RALYL: variants seen among roughly 807,000 people sequenced by gnomAD.
The protein encoded by RALYL is RNA-binding Raly-like protein.
A neutral mutation model predicts 35.1 loss-of-function variants in RALYL; 29 were observed. The observed-to-expected ratio is 0.83, with a 90% CI of 0.61 to 1.13. RALYL has a LOEUF of 1.13. Among genes scored for constraint, RALYL ranks in the 50% most tolerant of loss-of-function variants. RALYL has a pLI of 0.00. For missense variants in RALYL, 359 were observed against 360.4 expected, an observed-to-expected ratio of 1.00 and a Z score of 0.03; for synonymous variants, 120 against 127.6, an observed-to-expected ratio of 0.94 and a Z score of 0.40.
rs184434548 is a variant in RALYL at position 84,283,920 on chromosome 8, A to G, written c.-24+99496A>G. Among the ~76,000 whole-genome samples, 254 of 152,262 alleles carry G rather than the reference A, an allele frequency of 1.7e-3. 1 individual carries two copies. Among genetic ancestry groups the G allele is most frequent in the African/African-American group, 5.8e-3 (243 of 41,564 alleles). On this transcript the variant is annotated intron_variant, in intron 1 of 8. Transcript: ENST00000521268. ...ATATCCTAGTGGAATTATAAAAGGT[A>G]TTGGTTATATGTATTAAATGGAACC...
rs76103457 is a variant in RALYL at position 84,500,702 on chromosome 8, T to G, written c.-23-28597T>G. ...TGCTTTTCATGAAAAAGGGACATTTTACAAGACTGTGTAATCATATTAGAA... is the reference window on the plus strand; with the variant it reads ...TGCTTTTCATGAAAAAGGGACATTTGACAAGACTGTGTAATCATATTAGAA... On this transcript the variant is annotated intron_variant, in intron 1 of 8. Transcript: ENST00000521268. Among the ~76,000 whole-genome samples, 32 of 152,310 alleles carry G rather than the reference T, an allele frequency of 2.1e-4. No homozygotes were observed. In the East Asian group the frequency reaches 6.0e-3, roughly 28 times the overall value.
rs375746390 is a variant in RALYL at position 84,499,499 on chromosome 8, C to G, written c.-23-29800C>G. Among the ~76,000 whole-genome samples, 8 of 152,196 alleles carry G rather than the reference C, an allele frequency of 5.3e-5. No homozygotes were observed. In the East Asian group the frequency reaches 1.2e-3, roughly 22 times the overall value. On this transcript the variant is annotated intron_variant, in intron 1 of 8. Coordinates refer to ENST00000521268, the MANE Select transcript of RALYL (RefSeq NM_173848.7). Reference sequence around the variant, plus strand: ...ATTTGCCAATATTATTGTCATTTAACAAGTTAAGCAGTTGCATGTGGCAAA... The same window carrying G: ...ATTTGCCAATATTATTGTCATTTAAGAAGTTAAGCAGTTGCATGTGGCAAA...
At position 84,567,804 on chromosome 8, in the gene RALYL, A is replaced by G. The variant is rs142723410; in HGVS notation, c.256+38227A>G. Reference sequence around the variant, plus strand: ...TCATACTGTTTTCCATAGAGGTTTAACTAACTGAGATTCCCACCAACAGGT... The same window carrying G: ...TCATACTGTTTTCCATAGAGGTTTAGCTAACTGAGATTCCCACCAACAGGT... On this transcript the variant is annotated intron_variant, in intron 2 of 8. Coordinates refer to ENST00000521268, the MANE Select transcript of RALYL (RefSeq NM_173848.7). 1.9e-3 allele frequency among the ~76,000 whole-genome samples: 288 copies of G among 151,746 alleles called. 1 individual carries two copies. Among genetic ancestry groups the G allele is most frequent in the African/African-American group, 4.0e-3 (164 of 41,458 alleles).
At chr8:84,903,034 C>T (rs1845940170) in intron 8 of RALYL, among the ~76,000 whole-genome samples, 1 of 152,084 alleles carries the variant, frequency 6.6e-6, no homozygotes, top group Non-Finnish European at 1.5e-5. Flanking sequence ...GCCTGGGCAA[C>T]ACAGTGAGAC....
At chr8:84,366,829 C>T (rs193230796) in intron 1 of RALYL, among the ~76,000 whole-genome samples, 216 of 132,660 alleles carry the variant, frequency 1.6e-3, no homozygotes, top group African/African-American at 4.9e-3. Flanking sequence ...ATCTGTACAA[C>T]ATGTGCTGTT....
intron 1 of RALYL, among the ~76,000 whole-genome samples, chr8:84,422,061 A>T (rs529963410): frequency 2.0e-5 from 3 of 151,980 alleles, no homozygotes; most frequent in East Asian, 3.9e-4. Flanking sequence ...TGCTGGCCTC[A>T]TAAAATGAGT....
intron 2 of RALYL, among the ~76,000 whole-genome samples, chr8:84,701,228 C>G (rs1475781865): frequency 2.6e-5 from 4 of 152,128 alleles, no homozygotes; most frequent in Non-Finnish European, 4.4e-5. Flanking sequence ...CTCTTGGAAG[C>G]CCTGATTGAA....
chr8:84,611,433 G>A (rs557599594), intron 2 of RALYL, among the ~76,000 whole-genome samples: 55 of 152,166 alleles, frequency 3.6e-4, no homozygotes, highest in African/African-American at 1.3e-3. Context: ...TCCTGGGCAA[G>A]AATTAATCAG....
chr8:84,835,580 G>A (rs1290945366), intron 4 of RALYL, among the ~76,000 whole-genome samples: 1 of 150,656 alleles, frequency 6.6e-6, no homozygotes, highest in African/African-American at 2.4e-5. Flanking sequence ...CTACTCGGGA[G>A]GCTGAGACAG....
chr8:84,224,630 A>G, intron 1 of RALYL, among the ~76,000 whole-genome samples: 1 of 151,628 alleles, frequency 6.6e-6, no homozygotes, highest in East Asian at 1.9e-4. Context: ...GATACAACAT[A>G]TTATTTAATG....
intron 1 of RALYL, among the ~76,000 whole-genome samples, chr8:84,342,773 C>A (rs1849099798): frequency 6.6e-6 from 1 of 151,942 alleles, no homozygotes; most frequent in South Asian, 2.1e-4. Context: ...GAACATATTA[C>A]AGCAGAAGAA....
intron 1 of RALYL, among the ~76,000 whole-genome samples, chr8:84,364,014 T>G (rs897654066): frequency 1.3e-5 from 2 of 152,156 alleles, no homozygotes; most frequent in Non-Finnish European, 2.9e-5. Flanking sequence ...GCCTACCTAT[T>G]GTTCTACAAC....
At chr8:84,390,810 A>G (rs1860506685) in intron 1 of RALYL, among the ~76,000 whole-genome samples, 1 of 151,882 alleles carries the variant, frequency 6.6e-6, no homozygotes, top group Non-Finnish European at 1.5e-5. Context: ...CATGTCTAAT[A>G]ATGGGATGTA....
At chr8:84,508,662 T>TA (rs1456235277) in intron 1 of RALYL, among the ~76,000 whole-genome samples, 5 of 151,962 alleles carry the variant, frequency 3.3e-5, no homozygotes, top group Non-Finnish European at 7.4e-5. Context: ...CATATATATA[T>TA]TTTTTTAAAA....
chr8:84,800,424 G>T (rs1165676899), intron 3 of RALYL, among the ~76,000 whole-genome samples: 1 of 152,162 alleles, frequency 6.6e-6, no homozygotes, highest in African/African-American at 2.4e-5. Flanking sequence ...CTGGCCTTCA[G>T]TAAATACAAT....
chr8:84,389,063 C>A (rs915763255), intron 1 of RALYL, among the ~76,000 whole-genome samples: 1 of 152,130 alleles, frequency 6.6e-6, no homozygotes, highest in Non-Finnish European at 1.5e-5. Flanking sequence ...CTATATGTGG[C>A]TAGCCAGTTT....
chr8:84,523,057 CT>C (rs2058587337), intron 1 of RALYL, among the ~76,000 whole-genome samples: 1 of 152,044 alleles, frequency 6.6e-6, no homozygotes, highest in African/African-American at 2.4e-5. Context: ...TTTTGGGTAT[CT>C]TTACAGCAGC....
intron 1 of RALYL, among the ~76,000 whole-genome samples, chr8:84,502,220 A>ATG (rs1278756595): frequency 6.6e-6 from 1 of 152,002 alleles, no homozygotes; most frequent in African/African-American, 2.4e-5. Context: ...CTTTACATAT[A>ATG]TGTGTGTGTA....
At chr8:84,470,695 A>G (rs1467959009) in intron 1 of RALYL, among the ~76,000 whole-genome samples, 2 of 152,140 alleles carry the variant, frequency 1.3e-5, no homozygotes, top group Non-Finnish European at 2.9e-5. Flanking sequence ...AGCTCTTATG[A>G]TATGCCAGCA....
Sources: gnomAD v4.1 joint callset for allele counts (sites outside exome capture counted in the v4.1 genomes callset) on GRCh38, gnomAD v4.1.1 for gene constraint, MANE v1.5 for transcripts, NCBI Gene and HGNC (gene_info 2026-07-23, HGNC 2026-07-21) for gene names.